STXBP6: variants seen among roughly 807,000 people sequenced by gnomAD.
STXBP6 encodes syntaxin binding protein 6.
STXBP6 carries 21 observed loss-of-function variants against 26.9 expected under a neutral mutation model. The observed-to-expected ratio is 0.78, with a 90% CI of 0.55 to 1.12. The LOEUF (loss-of-function observed/expected upper bound fraction) is 1.12, where lower values mean the gene tolerates loss of function less well. STXBP6 is among the 50% of genes most tolerant of loss of function. The pLI is 0.00. For synonymous variants in STXBP6, 97 were observed against 92.6 expected, an observed-to-expected ratio of 1.05 and a Z score of -0.27; for missense variants, 232 against 257.9, an observed-to-expected ratio of 0.90 and a Z score of 0.69.
At chr14:24,962,909 AGATG>A in intron 2 of STXBP6, among the ~76,000 whole-genome samples, 2 of 150,014 alleles carry the variant, frequency 1.3e-5, no homozygotes, top group African/African-American at 5.1e-5. Context: ...ATCCAGCAAT[AGATG>A]AATGATCAAA....
chr14:24,846,930 A>G (rs1238074094), intron 4 of STXBP6, among the ~76,000 whole-genome samples: 2 of 152,148 alleles, frequency 1.3e-5, no homozygotes, highest in African/African-American at 4.8e-5. Context: ...TTACCCCTTC[A>G]CTAAAGGTTT....
intron 2 of STXBP6, among the ~76,000 whole-genome samples, chr14:24,887,933 G>A (rs1242090480): frequency 1.3e-5 from 2 of 152,150 alleles, no homozygotes; most frequent in Admixed American, 1.3e-4. Flanking sequence ...CTTTATTTTT[G>A]CTATTCTCCA....
intron 2 of STXBP6, among the ~76,000 whole-genome samples, chr14:24,974,241 G>C (rs2073983820): frequency 6.6e-6 from 1 of 152,134 alleles, no homozygotes; most frequent in Non-Finnish European, 1.5e-5. Context: ...TTTATCTTAA[G>C]ACAAGTGATT....
intron 1 of STXBP6, among the ~76,000 whole-genome samples, chr14:25,011,185 C>A (rs559857654): frequency 6.6e-6 from 1 of 152,272 alleles, no homozygotes; most frequent in African/African-American, 2.4e-5. Flanking sequence ...AAGAACCCTG[C>A]AACCTTTGAC....
At position 24,829,064 on chromosome 14, in the gene STXBP6, C is replaced by A. The variant is rs114697802; in HGVS notation, c.452-9870G>T. On this transcript the variant is annotated intron_variant, in intron 4 of 5. Transcript: ENST00000323944. Reference sequence around the variant, plus strand: ...TTGGGAGAATAAACCAGGCCCTGTGCCCCCTGTGCCCCCACTAAAAATCAA... The same window carrying A: ...TTGGGAGAATAAACCAGGCCCTGTGACCCCTGTGCCCCCACTAAAAATCAA... Among the ~76,000 whole-genome samples, 1,042 of 152,166 alleles carry A rather than the reference C, an allele frequency of 6.8e-3. 14 individuals carry two copies. Among genetic ancestry groups the A allele is most frequent in the African/African-American group, 0.023 (966 of 41,514 alleles).
intron 4 of STXBP6, among the ~76,000 whole-genome samples, chr14:24,833,328 C>T (rs2068512761): frequency 6.6e-6 from 1 of 152,188 alleles, no homozygotes; most frequent in South Asian, 2.1e-4. Flanking sequence ...AGGTATTCTA[C>T]CTATGTTCCC....
At chr14:24,964,647 C>CTGTGTGTGTGTGTGTGTG (rs34132743) in intron 2 of STXBP6, among the ~76,000 whole-genome samples, 3,168 of 140,046 alleles carry the variant, frequency 0.023, 95 homozygotes, top group African/African-American at 0.056. Context: ...AGTTCTCATT[C>CTGTGTGTGTGTGTGTGTG]TGTGTGTGTG....
intron 2 of STXBP6, among the ~76,000 whole-genome samples, chr14:24,919,835 A>G (rs546244294): frequency 6.6e-6 from 1 of 152,178 alleles, no homozygotes; most frequent in African/African-American, 2.4e-5. Context: ...AATTTCTTAT[A>G]AATCTTCACT....
At chr14:24,886,227 A>G (rs1212395344) in intron 2 of STXBP6, among the ~76,000 whole-genome samples, 1 of 152,190 alleles carries the variant, frequency 6.6e-6, no homozygotes, top group East Asian at 1.9e-4. Flanking sequence ...ATAATTCTCA[A>G]TTGGTGCCAA....
intron 2 of STXBP6, among the ~76,000 whole-genome samples, chr14:24,863,159 G>A (rs2069601313): frequency 6.6e-6 from 1 of 152,000 alleles, no homozygotes; most frequent in Non-Finnish European, 1.5e-5. Context: ...CTTAAAATCA[G>A]GAACCTTAAC....
At chr14:24,855,879 A>C (rs1256272003) in intron 4 of STXBP6, 57 bp downstream of exon 4, 2 of 1,500,128 alleles carry the variant, frequency 1.3e-6, no homozygotes, top group Non-Finnish European at 1.8e-6. Flanking sequence ...CTAACTTCTT[A>C]AGTAAAAGTG....
intron 4 of STXBP6, among the ~76,000 whole-genome samples, chr14:24,824,130 T>G (rs1039510090): frequency 1.3e-5 from 2 of 152,240 alleles, no homozygotes; most frequent in Non-Finnish European, 2.9e-5. Flanking sequence ...TTCTTTTTTC[T>G]ACTTTCGCTC....
At chr14:24,952,331 T>C (rs1373361033) in intron 2 of STXBP6, among the ~76,000 whole-genome samples, 1 of 151,950 alleles carries the variant, frequency 6.6e-6, no homozygotes, top group Non-Finnish European at 1.5e-5. Context: ...ATAAGCTTAT[T>C]TCAAACTTAC....
chr14:24,888,047 A>C (rs977867901), intron 2 of STXBP6, among the ~76,000 whole-genome samples: 7 of 152,240 alleles, frequency 4.6e-5, no homozygotes, highest in African/African-American at 1.7e-4. Context: ...TGATAAGGAA[A>C]GCAAAGCCAA....
intron 3 of STXBP6, among the ~76,000 whole-genome samples, chr14:24,856,444 C>T (rs2069336405): frequency 6.6e-6 from 1 of 152,024 alleles, no homozygotes; most frequent in African/African-American, 2.4e-5. Flanking sequence ...TAATCTGGCC[C>T]CTAAACTTTG....
chr14:25,033,091 G>A (rs1790447585), intron 1 of STXBP6, among the ~76,000 whole-genome samples: 1 of 152,116 alleles, frequency 6.6e-6, no homozygotes, highest in African/African-American at 2.4e-5. Context: ...AATACTGTGA[G>A]GATTCAAACT....
intron 2 of STXBP6, among the ~76,000 whole-genome samples, chr14:24,936,522 G>T (rs1000235027): frequency 2.0e-5 from 3 of 152,156 alleles, no homozygotes; most frequent in Non-Finnish European, 2.9e-5. Flanking sequence ...GAATCTTATA[G>T]ATTAGATTTA....
At chr14:24,956,837 C>T (rs761893736) in intron 2 of STXBP6, among the ~76,000 whole-genome samples, 3 of 152,294 alleles carry the variant, frequency 2.0e-5, no homozygotes, top group South Asian at 2.1e-4. Flanking sequence ...GATAATGGCA[C>T]TTCGGGTGTC....
At chr14:24,932,128 G>T (rs949511580) in intron 2 of STXBP6, among the ~76,000 whole-genome samples, 2 of 152,154 alleles carry the variant, frequency 1.3e-5, no homozygotes, top group African/African-American at 2.4e-5. Context: ...TTAGATTTGG[G>T]CTGGGCACGG....
Sources: gnomAD v4.1 joint callset for allele counts (sites outside exome capture counted in the v4.1 genomes callset) on GRCh38, gnomAD v4.1.1 for gene constraint, MANE v1.5 for transcripts, NCBI Gene and HGNC (gene_info 2026-07-23, HGNC 2026-07-21) for gene names.